TMEFF2: variants seen among roughly 807,000 people sequenced by gnomAD.
The protein encoded by TMEFF2 is tomoregulin-2.
A neutral mutation model predicts 53.8 loss-of-function variants in TMEFF2; 28 were observed. The ratio of observed to expected loss-of-function variants is 0.52; its 90% CI spans 0.39 to 0.71. The LOEUF is 0.71. TMEFF2 is among the 30% of genes least tolerant of loss of function. TMEFF2 has a pLI of 0.00. For synonymous variants in TMEFF2, 162 were observed against 166.3 expected (o/e 0.97, Z 0.20); for missense variants, 353 against 455.2 (o/e 0.78, Z 2.04).
intron 5 of TMEFF2, among the ~76,000 whole-genome samples, chr2:192,025,574 G>A (rs535652229): frequency 6.6e-6 from 1 of 152,208 alleles, no homozygotes; most frequent in South Asian, 2.1e-4. Flanking sequence ...GCATATTATC[G>A]TGGGGTATAA....
chr2:191,975,262 CTTCTTTTTTTTTTTTTT>C (rs1007591775), intron 7 of TMEFF2, among the ~76,000 whole-genome samples: 1 of 30,156 alleles, frequency 3.3e-5, no homozygotes, highest in African/African-American at 6.6e-5. Context: ...TTTTCTTTTT[CTTCTTTTTTTTTTTTTT>C]TTGCCTAAAA....
At chr2:191,971,986 A>G (rs1010319132) in intron 7 of TMEFF2, among the ~76,000 whole-genome samples, 7 of 152,290 alleles carry the variant, frequency 4.6e-5, no homozygotes, top group Non-Finnish European at 8.8e-5. Context: ...GTGAACACAG[A>G]GAGAAAGACA....
At chr2:192,006,642 A>G (rs1159072589) in intron 5 of TMEFF2, among the ~76,000 whole-genome samples, 1 of 152,218 alleles carries the variant, frequency 6.6e-6, no homozygotes, top group Non-Finnish European at 1.5e-5. Context: ...CACTAAATGC[A>G]TATCAACTGC....
intron 2 of TMEFF2, among the ~76,000 whole-genome samples, chr2:192,189,819 A>G (rs1366021441): frequency 6.6e-6 from 1 of 152,084 alleles, no homozygotes; most frequent in Non-Finnish European, 1.5e-5. Flanking sequence ...CAGCCACTCT[A>G]TATTCTTGGT....
intron 4 of TMEFF2, among the ~76,000 whole-genome samples, chr2:192,135,335 C>CTT (rs1359395664): frequency 6.6e-6 from 1 of 152,096 alleles, no homozygotes; most frequent in African/African-American, 2.4e-5. Flanking sequence ...ACTCTCTAAT[C>CTT]AGATGTCCTA....
chr2:192,046,108 T>C (rs1687614340), intron 5 of TMEFF2, among the ~76,000 whole-genome samples: 1 of 152,186 alleles, frequency 6.6e-6, no homozygotes, highest in Non-Finnish European at 1.5e-5. Flanking sequence ...ATCACAGTTG[T>C]AATTCCAGCA....
intron 4 of TMEFF2, among the ~76,000 whole-genome samples, chr2:192,125,007 A>G: frequency 6.6e-6 from 1 of 152,098 alleles, no homozygotes; most frequent in Non-Finnish European, 1.5e-5. Flanking sequence ...TCTCTGTAAA[A>G]CTCTTATGAC....
At chr2:192,050,841 G>A (rs1265601637) in intron 5 of TMEFF2, among the ~76,000 whole-genome samples, 1 of 152,106 alleles carries the variant, frequency 6.6e-6, no homozygotes, top group Non-Finnish European at 1.5e-5. Flanking sequence ...AATAATGAAA[G>A]CAAACCCCAA....
chr2:191,968,267 C>G (rs1692525160), intron 7 of TMEFF2, among the ~76,000 whole-genome samples: 2 of 152,178 alleles, frequency 1.3e-5, no homozygotes, highest in African/African-American at 2.4e-5. Flanking sequence ...CTGGTGATAT[C>G]TATATCAGCT....
At chr2:192,186,423 C>G (rs949680588) in intron 2 of TMEFF2, among the ~76,000 whole-genome samples, 5 of 152,116 alleles carry the variant, frequency 3.3e-5, no homozygotes, top group Admixed American at 3.3e-4. Context: ...CTGTGGCCAG[C>G]AAGGCAAGTG....
At chr2:192,139,858 C>A (rs1367735283) in intron 4 of TMEFF2, among the ~76,000 whole-genome samples, 1 of 152,144 alleles carries the variant, frequency 6.6e-6, no homozygotes, top group African/African-American at 2.4e-5. Flanking sequence ...TATAGAAGAG[C>A]CCTACTTTAG....
At chr2:192,192,211 A>G (rs1691478906) in intron 1 of TMEFF2, among the ~76,000 whole-genome samples, 1 of 152,024 alleles carries the variant, frequency 6.6e-6, no homozygotes, top group African/African-American at 2.4e-5. Context: ...CTCCTTTAGT[A>G]TCCTTTTCTG....
chr2:192,047,286 ATTTT>A (rs1687647253), intron 5 of TMEFF2, among the ~76,000 whole-genome samples: 1 of 152,160 alleles, frequency 6.6e-6, no homozygotes, highest in African/African-American at 2.4e-5. Flanking sequence ...CTAATATTTT[ATTTT>A]ATTTCTTATT....
At chr2:192,150,121 T>G (rs1690348840) in intron 4 of TMEFF2, among the ~76,000 whole-genome samples, 1 of 151,962 alleles carries the variant, frequency 6.6e-6, no homozygotes, top group Non-Finnish European at 1.5e-5. Context: ...TTAATTAAAA[T>G]ATAACTAACA....
In TMEFF2 at chr2:191,949,931, G is replaced by GAAAC; in HGVS notation, c.*376_*379dup. 1 of 1,003,338 alleles carries GAAAC rather than the reference G, an allele frequency of 1.0e-6. No homozygotes were observed. Among genetic ancestry groups the GAAAC allele is most frequent in the Non-Finnish European group, 1.2e-6 (1 of 840,852 alleles). The allele number at this position is 1,003,338 out of a possible 1,614,324, so 62.2% of individuals were successfully genotyped here. On this transcript the variant is annotated 3_prime_UTR_variant, in exon 10 of 10. Coordinates refer to ENST00000272771, the MANE Select transcript of TMEFF2 (RefSeq NM_016192.4). ...CTAATGTGCTGTCTCAAGATGAGAA[G>GAAAC]AAACATGAAATATTGGTAGCTGTAC...
intron 4 of TMEFF2, among the ~76,000 whole-genome samples, chr2:192,095,135 C>T (rs185913825): frequency 2.0e-5 from 3 of 152,178 alleles, no homozygotes; most frequent in East Asian, 1.9e-4. Flanking sequence ...CTTAGTTATC[C>T]ACAGCCAGCT....
chr2:192,065,456 A>G (rs1374587684), intron 4 of TMEFF2, among the ~76,000 whole-genome samples: 1 of 151,822 alleles, frequency 6.6e-6, no homozygotes, highest in Non-Finnish European at 1.5e-5. Flanking sequence ...TGACACAAAA[A>G]TACTGGTTCT....
At chr2:191,998,993 C>A in intron 6 of TMEFF2, 67 bp downstream of exon 6, 1 of 1,511,444 alleles carries the variant, frequency 6.6e-7, no homozygotes, top group Non-Finnish European at 9.0e-7. Flanking sequence ...AAGGAGTTTT[C>A]TTCACTTTTC....
chr2:192,038,386 A>G (rs551277718), intron 5 of TMEFF2, among the ~76,000 whole-genome samples: 4 of 152,352 alleles, frequency 2.6e-5, no homozygotes, highest in South Asian at 2.1e-4. Flanking sequence ...TAAGGAATGC[A>G]AAGTCCTTAG....
Sources: gnomAD v4.1 joint callset for allele counts (sites outside exome capture counted in the v4.1 genomes callset) on GRCh38, gnomAD v4.1.1 for gene constraint, MANE v1.5 for transcripts, NCBI Gene and HGNC (gene_info 2026-07-23, HGNC 2026-07-21) for gene names.